Variants in UBE2D2 observed in about 807,000 individuals in gnomAD.
UBE2D2 encodes ubiquitin conjugating enzyme E2 D2.
Under a neutral mutation model 24.2 loss-of-function variants are expected in UBE2D2, and 2 were observed. That is an observed-to-expected ratio of 0.08 (90% confidence interval 0.03 to 0.26). The LOEUF is 0.26. Among genes scored for constraint, UBE2D2 ranks in the 10% least tolerant of loss-of-function variants. The pLI is 1.00. For synonymous variants in UBE2D2, 58 were observed against 56.5 expected (o/e 1.03, Z -0.12); for missense variants, 44 against 177.6 (o/e 0.25, Z 4.28).
intron 1 of UBE2D2, among the ~76,000 whole-genome samples, chr5:139,578,866 CATT>C (rs1379166455): frequency 6.6e-6 from 1 of 152,144 alleles, no homozygotes; most frequent in Non-Finnish European, 1.5e-5. Flanking sequence ...AAAGATGTAC[CATT>C]ATTCTACTAA....
intron 6 of UBE2D2, among the ~76,000 whole-genome samples, chr5:139,625,548 G>T (rs1754606591): frequency 6.9e-6 from 1 of 145,820 alleles, no homozygotes; most frequent in South Asian, 2.2e-4. Flanking sequence ...GGCTCAAGTA[G>T]TCCTCCCATC....
chr5:139,625,368 G>A (rs1754597858), intron 6 of UBE2D2, among the ~76,000 whole-genome samples: 1 of 125,464 alleles, frequency 8.0e-6, no homozygotes, highest in South Asian at 2.6e-4. Flanking sequence ...TTCTGCCTCA[G>A]CCCCCCAAAG....
At chr5:139,600,933 T>C (rs1309937618) in intron 2 of UBE2D2, among the ~76,000 whole-genome samples, 1 of 152,108 alleles carries the variant, frequency 6.6e-6, no homozygotes, top group Non-Finnish European at 1.5e-5. Context: ...CTCTCGAGTA[T>C]CTGGGATTAC....
intron 1 of UBE2D2, among the ~76,000 whole-genome samples, chr5:139,536,089 ATTATT>A (rs1285351306): frequency 6.7e-6 from 1 of 149,474 alleles, no homozygotes; most frequent in Non-Finnish European, 1.5e-5. Context: ...GTATTTATTT[ATTATT>A]TTATTTATTT....
At chr5:139,626,118 T>TG (rs1754620880) in intron 6 of UBE2D2, among the ~76,000 whole-genome samples, 1 of 151,720 alleles carries the variant, frequency 6.6e-6, no homozygotes, top group Admixed American at 6.6e-5. Context: ...ACCCAGGCTA[T>TG]GGTACAGTAT....
At chr5:139,601,377 G>A (rs756190915) in intron 2 of UBE2D2, among the ~76,000 whole-genome samples, 3 of 152,138 alleles carry the variant, frequency 2.0e-5, no homozygotes, top group Non-Finnish European at 2.9e-5. Context: ...ACCGAGGCAG[G>A]TGAATCAATT....
At chr5:139,581,213 C>T (rs1753595818) in intron 1 of UBE2D2, among the ~76,000 whole-genome samples, 2 of 152,046 alleles carry the variant, frequency 1.3e-5, no homozygotes, top group South Asian at 4.1e-4. Context: ...CTTTGGGAGG[C>T]CGAGGCGGGT....
At chr5:139,619,621 T>A (rs150937590) in intron 5 of UBE2D2, among the ~76,000 whole-genome samples, 485 of 152,238 alleles carry the variant, frequency 3.2e-3, no homozygotes, top group African/African-American at 0.011. Flanking sequence ...CCCAGCACTT[T>A]GGGAGGCCGA....
At chr5:139,590,455 AAAG>A (rs1159056971) in intron 1 of UBE2D2, among the ~76,000 whole-genome samples, 3 of 151,352 alleles carry the variant, frequency 2.0e-5, no homozygotes, top group African/African-American at 4.8e-5. Context: ...AAAAAAAAAA[AAAG>A]AAAGAAAAAG....
chr5:139,596,562 G>T (rs1753963820), intron 1 of UBE2D2, among the ~76,000 whole-genome samples: 1 of 151,720 alleles, frequency 6.6e-6, no homozygotes, highest in Non-Finnish European at 1.5e-5. Context: ...AAAGTGCTGG[G>T]ATTACAGGTG....
At chr5:139,613,089 A>C (rs1185024619) in intron 2 of UBE2D2, among the ~76,000 whole-genome samples, 3 of 152,236 alleles carry the variant, frequency 2.0e-5, no homozygotes, top group Admixed American at 2.0e-4. Flanking sequence ...GTGAGGGCTA[A>C]TCTAAGGAAG....
intron 2 of UBE2D2, among the ~76,000 whole-genome samples, chr5:139,609,056 C>T (rs1754259013): frequency 6.6e-6 from 1 of 151,284 alleles, no homozygotes; most frequent in Non-Finnish European, 1.5e-5. Context: ...CACTGCACTC[C>T]AGCCCAGGCG....
intron 2 of UBE2D2, 132 bp from the exon 3 acceptor site, chr5:139,614,454 C>T (rs1298267916): frequency 9.7e-7 from 1 of 1,035,112 alleles, no homozygotes; most frequent in East Asian, 2.5e-5. Context: ...AATTTATGTT[C>T]CTCATCTTGC....
intron 1 of UBE2D2, among the ~76,000 whole-genome samples, chr5:139,580,464 A>G (rs1002480954): frequency 6.6e-6 from 1 of 151,958 alleles, no homozygotes; most frequent in Admixed American, 6.6e-5. Context: ...TGTTTCTACA[A>G]ATTTTTTTCT....
chr5:139,576,557 T>C (rs1424465579), intron 1 of UBE2D2, among the ~76,000 whole-genome samples: 1 of 152,024 alleles, frequency 6.6e-6, no homozygotes, highest in African/African-American at 2.4e-5. Context: ...TTAGTAGAGA[T>C]GGGGTTTCAC....
chr5:139,573,276 T>G (rs1202845956), intron 1 of UBE2D2, among the ~76,000 whole-genome samples: 4 of 146,400 alleles, frequency 2.7e-5, no homozygotes, highest in Non-Finnish European at 4.5e-5. Context: ...TACTCCAGCC[T>G]GGACGACAGA....
At chr5:139,626,581 G>T (rs190836388) in intron 6 of UBE2D2, among the ~76,000 whole-genome samples, 175 bp from the exon 7 acceptor site, 4 of 152,182 alleles carry the variant, frequency 2.6e-5, no homozygotes, top group African/African-American at 9.7e-5. Flanking sequence ...ACATTTTACA[G>T]CTCCTTCCCA....
intron 1 of UBE2D2, among the ~76,000 whole-genome samples, chr5:139,591,221 A>G (rs1226415629): frequency 6.6e-6 from 1 of 151,182 alleles, no homozygotes; most frequent in East Asian, 1.9e-4. Context: ...CCTGGGTTCA[A>G]GCAATTCTCC....
intron 2 of UBE2D2, among the ~76,000 whole-genome samples, chr5:139,609,352 G>A (rs1754264261): frequency 6.6e-6 from 1 of 151,912 alleles, no homozygotes; most frequent in Non-Finnish European, 1.5e-5. Flanking sequence ...AGACCATCCT[G>A]GACAACATAG....
Sources: allele counts gnomAD v4.1 joint callset (sites outside exome capture counted in the v4.1 genomes callset), GRCh38; gene constraint gnomAD v4.1.1; transcripts MANE v1.5; gene names NCBI Gene and HGNC (gene_info 2026-07-23, HGNC 2026-07-21).